The following RBM28 variants were observed in gnomAD, a reference collection of about 807,000 sequenced individuals.
The protein encoded by RBM28 is RNA binding motif protein 28.
Under a neutral mutation model 98.3 loss-of-function variants are expected in RBM28, and 78 were observed. The ratio of observed to expected loss-of-function variants is 0.79; its 90% CI spans 0.66 to 0.96. The LOEUF is 0.96. RBM28 is among the 40% of genes least tolerant of loss of function. The pLI is 0.00. For missense variants in RBM28, 838 were observed against 913.0 expected (o/e 0.92, Z 1.06); for synonymous variants, 306 against 330.9 (o/e 0.92, Z 0.82).
rs1796590134 is a variant in RBM28 at position 128,335,934 on chromosome 7, T to A, written c.722A>T (p.Asp241Val). ...EENDDDDDDD[D>V]EEDGVFDDED... ...ATCATCAAAAACCCCATCTTCTTCA[T>A]CATCATCATCGTCATCATCATCGTT... The change falls in exon 7 of 19, where the codon GAT becomes GTT. Residue 241 changes from aspartate to valine, a missense_variant. Coordinates refer to ENST00000223073, the MANE Select transcript of RBM28 (RefSeq NM_018077.3). The A allele has an allele frequency of 6.2e-7, 1 of 1,607,636 alleles. No homozygotes were observed. The highest frequency in any genetic ancestry group is 8.5e-7 in the Non-Finnish European group (1 of 1,174,246).
rs1796786533 is a variant in RBM28, at chr7:128,343,861, T to A, written c.-68A>T. ...GGCCGGCGCACGCGAGCCGAAACGC[T>A]GGCTTTGGTAGGACAACCAAGCTCA... On this transcript the variant is annotated 5_prime_UTR_variant, in exon 1 of 19. Transcript: ENST00000223073. 3.4e-6 allele frequency: 4 copies of A among 1,190,332 alleles called. No individual in the cohort carries two copies. Among genetic ancestry groups the A allele is most frequent in the Non-Finnish European group, 4.7e-6 (4 of 850,388 alleles). 73.7% of individuals were successfully genotyped at this position (1,190,332 alleles called of 1,614,324 possible). A position where few individuals can be genotyped will look rare whatever the true frequency, so the allele number is the denominator to read the frequency against.
intron 10 of RBM28, 85 bp from the exon 11 acceptor site, chr7:128,325,976 C>G: frequency 9.2e-7 from 1 of 1,085,066 alleles, no homozygotes; most frequent in Non-Finnish European, 1.4e-6. Context: ...CAGCCTGACA[C>G]AGAGTGGAAG....
Position 128,335,948 on chromosome 7 carries a change from A to G in RBM28, c.708T>C (p.Asp236=), listed in dbSNP as rs1796591439. The change falls in exon 7 of 19, where the codon GAT becomes GAC. Residue 236 remains aspartate, a synonymous_variant. Transcript: ENST00000223073. ...CATCTTCTTCATCATCATCATCGTC[A>G]TCATCATCGTTTTCTTCCTCTTCCA... is the stretch of plus-strand genomic sequence containing the variant. ...EDMEEEENDD[D]DDDDDEEDGV... 5.0e-6 allele frequency: 8 copies of G among 1,605,890 alleles called. No homozygotes were observed. Among genetic ancestry groups the G allele is most frequent in the Non-Finnish European group, 6.8e-6 (8 of 1,172,880 alleles).
chr7:128,341,052 T>G (rs1221268071), intron 1 of RBM28: 5 of 948,448 alleles, frequency 5.3e-6, no homozygotes, highest in East Asian at 1.2e-4. Context: ...ACATTTTGTA[T>G]AGTAAAATTT....
chr7:128,343,679 T>C lies in RBM28; in HGVS notation c.115A>G (p.Lys39Glu). Residue 39 changes from lysine to glutamate, a missense_variant, in exon 1 of 19, where the codon AAA becomes GAA. Physicochemically the swap from Lys to Glu is moderately conservative, Grantham distance 56 (BLOSUM62 1). Transcript: ENST00000223073. ...TCCTCGACCGCCCCGCCCCTACCTTTTTCAGTCACCACGAAGCACTGCTTC... is the reference window on the plus strand; with the variant it reads ...TCCTCGACCGCCCCGCCCCTACCTTCTTCAGTCACCACGAAGCACTGCTTC... ...PVKQCFVVTE[K>E]GSKACRGFGY... 1 of 1,603,572 alleles carries C rather than the reference T, an allele frequency of 6.2e-7. No homozygotes were observed. The highest frequency in any genetic ancestry group is 2.3e-5 in the East Asian group (1 of 43,816).
intron 1 of RBM28, among the ~76,000 whole-genome samples, chr7:128,340,550 T>A (rs1796703023): frequency 6.6e-6 from 1 of 152,166 alleles, no homozygotes; most frequent in Admixed American, 6.5e-5. Context: ...AGTACCTAGT[T>A]TCAGGTATTC....
rs984511094 is a variant in RBM28, at chr7:128,340,737, C to T, written c.119-946G>A. Among the ~76,000 whole-genome samples, 16 of 152,184 alleles carry T rather than the reference C, an allele frequency of 1.1e-4. No homozygotes were observed. In the East Asian group the frequency reaches 1.9e-3, roughly 18 times the overall value. On this transcript the variant is annotated intron_variant, in intron 1 of 18. Coordinates refer to ENST00000223073, the MANE Select transcript of RBM28 (RefSeq NM_018077.3). Reference sequence around the variant, plus strand: ...CAGATGTTATGACCACTATTACCAACGCCTTAGCTGTCGATATCAAATTAA... The same window carrying T: ...CAGATGTTATGACCACTATTACCAATGCCTTAGCTGTCGATATCAAATTAA...
In RBM28 at chr7:128,324,529, T is replaced by C. The variant is rs763123179; in HGVS notation, c.1339+30A>G. ...TGATTATGGCACAGGGCCAGGTACT[T>C]AGAAGTGTGGGTTACATCTCCCTAC... On this transcript the variant is annotated intron_variant, in intron 12 of 18. Coordinates refer to ENST00000223073, the MANE Select transcript of RBM28 (RefSeq NM_018077.3). The C allele has an allele frequency of 3.1e-6, 5 of 1,614,118 alleles. No homozygotes were observed. The South Asian group carries it at 5.5e-5, about 18-fold the overall frequency.
chr7:128,299,014 C>CAAA lies in RBM28; in HGVS notation c.*11780_*11782dup, dbSNP rs71160623. On this transcript the variant is annotated 3_prime_UTR_variant, in exon 19 of 19. Transcript: ENST00000223073. Reference sequence around the variant, plus strand: ...GGAGACAGAGTGAGACCCTCTCTCTCAAAAAAAAAAAAAAATGTACCCATA... The same window carrying CAAA: ...GGAGACAGAGTGAGACCCTCTCTCTCAAAAAAAAAAAAAAAAAATGTACCCATA... 0.48 allele frequency: 64,906 copies of CAAA among 136,262 alleles called. 16,419 individuals carry two copies. The highest frequency in any genetic ancestry group is 0.62 in the Middle Eastern group (170 of 274). 8.4% of individuals were successfully genotyped at this position (136,262 alleles called of 1,614,324 possible). A position where few individuals can be genotyped will look rare whatever the true frequency, so the allele number is the denominator to read the frequency against.
At chr7:128,316,509 G>A (rs1044659664) in intron 16 of RBM28, among the ~76,000 whole-genome samples, 11 of 152,272 alleles carry the variant, frequency 7.2e-5, no homozygotes, top group Non-Finnish European at 1.3e-4. Context: ...TCAGGAGTTC[G>A]AGACCAGCCT....
intron 17 of RBM28, among the ~76,000 whole-genome samples, chr7:128,313,572 T>G (rs1349317708): frequency 1.3e-5 from 2 of 152,152 alleles, no homozygotes; most frequent in African/African-American, 4.8e-5. Flanking sequence ...GAGGTTACAG[T>G]GCGCTATGAT....
intron 9 of RBM28, among the ~76,000 whole-genome samples, chr7:128,332,774 T>G (rs910601146): frequency 6.6e-6 from 1 of 152,204 alleles, no homozygotes; most frequent in Non-Finnish European, 1.5e-5. Context: ...GAAGACATCC[T>G]GACCTCATAA....
At chr7:128,324,775 A>C (rs568881056) in intron 11 of RBM28, 81 bp from the exon 12 acceptor site, 2 of 1,589,256 alleles carry the variant, frequency 1.3e-6, no homozygotes, top group South Asian at 2.2e-5. Flanking sequence ...GCACTTTGGG[A>C]GGCTGAGGCA....
At chr7:128,330,701 C>T (rs1467367261) in intron 10 of RBM28, 118 bp downstream of exon 10, 16 of 801,110 alleles carry the variant, frequency 2.0e-5, no homozygotes, top group Non-Finnish European at 3.1e-5. Flanking sequence ...ACCCAGAAAC[C>T]TGGGCTGGAT....
intron 3 of RBM28, 50 bp downstream of exon 3, chr7:128,339,177 G>T: frequency 2.1e-6 from 3 of 1,431,696 alleles, no homozygotes; most frequent in Non-Finnish European, 3.0e-6. Flanking sequence ...ATCACATCTT[G>T]GCTCTAAAAG....
chr7:128,343,666 C>T lies in RBM28; in HGVS notation c.118+10G>A. 1 of 1,599,654 alleles carries T rather than the reference C, an allele frequency of 6.3e-7. No individual in the cohort carries two copies. Among genetic ancestry groups the T allele is most frequent in the Non-Finnish European group, 8.5e-7 (1 of 1,171,340 alleles). ...AACCCCAGCCCTATCCTCGACCGCC[C>T]CGCCCCTACCTTTTTCAGTCACCAC... On this transcript the variant is annotated intron_variant, in intron 1 of 18. Transcript: ENST00000223073.
At position 128,313,253 on chromosome 7, in the gene RBM28, C is replaced by T. The variant is rs767025124; in HGVS notation, c.2067G>A (p.Val689=). The change falls in exon 18 of 19, where the codon GTG becomes GTA. Residue 689 remains valine (V), a synonymous_variant. Coordinates refer to ENST00000223073, the MANE Select transcript of RBM28 (RefSeq NM_018077.3). ...PKIRLRDKGK[V]KPVHPKKPKP... ...TTGGCTTTTTGGGATGGACGGGCTT[C>T]ACTTTGCCTTTGTCCCGCAACCTGA... 6.2e-7 allele frequency: 1 copy of T among 1,614,138 alleles called. No individual in the cohort carries two copies. The highest frequency in any genetic ancestry group is 1.1e-5 in the South Asian group (1 of 91,072).
chr7:128,310,920 T>C lies in RBM28; in HGVS notation c.2157A>G (p.Lys719=), dbSNP rs370865961. Residue 719 remains lysine, a synonymous_variant, in exon 19 of 19, where the codon AAA becomes AAG. Coordinates refer to ENST00000223073, the MANE Select transcript of RBM28 (RefSeq NM_018077.3). ...TTTCCGTCTTATTTCCCTTAGCTTT[T>C]TTCCTAGATACCTACAAATGAAAGG... ...QQLSSEQVSR[K]KAKGNKTETR... 3 of 1,613,078 alleles carry C rather than the reference T, an allele frequency of 1.9e-6. No homozygotes were observed. Among genetic ancestry groups the C allele is most frequent in the South Asian group, 2.2e-5 (2 of 91,070 alleles).
At chr7:128,339,412 G>A in intron 2 of RBM28, 91 bp from the exon 3 acceptor site, 1 of 1,226,424 alleles carries the variant, frequency 8.2e-7, no homozygotes, top group Admixed American at 2.0e-5. Flanking sequence ...GGCGACAGAT[G>A]GCATTTACCA....
Sources: allele counts gnomAD v4.1 joint callset (sites outside exome capture counted in the v4.1 genomes callset), GRCh38; gene constraint gnomAD v4.1.1; transcripts MANE v1.5; gene names NCBI Gene and HGNC (gene_info 2026-07-23, HGNC 2026-07-21).